Variants in GPNMB observed in about 807,000 individuals in gnomAD.
GPNMB encodes transmembrane glycoprotein NMB.
A neutral mutation model predicts 57.3 loss-of-function variants in GPNMB; 71 were observed. The ratio of observed to expected loss-of-function variants is 1.24; its 90% CI spans 1.02 to 1.51. GPNMB has a LOEUF of 1.51. Among genes scored for constraint, GPNMB ranks in the 40% most tolerant of loss-of-function variants. The pLI is 0.00. For missense variants in GPNMB, 677 were observed against 691.9 expected (o/e 0.98, Z 0.24); for synonymous variants, 253 against 263.2 (o/e 0.96, Z 0.38).
At position 23,266,634 on chromosome 7, in the gene GPNMB, A is replaced by T. The variant is rs759683765; in HGVS notation, c.1117+19A>T. On this transcript the variant is annotated intron_variant, in intron 7 of 10. Coordinates refer to ENST00000258733, the MANE Select transcript of GPNMB (RefSeq NM_002510.3). ...ATTGTAGGTAAGGCTGAAGATGATGACCAGTGAGGAAGGATGCTAGACTCC... is the reference window on the plus strand; with the variant it reads ...ATTGTAGGTAAGGCTGAAGATGATGTCCAGTGAGGAAGGATGCTAGACTCC... The T allele has an allele frequency of 1.9e-6, 3 of 1,611,154 alleles. No individual in the cohort carries two copies. The highest frequency in any genetic ancestry group is 1.7e-6 in the Non-Finnish European group (2 of 1,178,200).
chr7:23,250,625 C>G (rs554491233), intron 1 of GPNMB: 13 of 152,172 alleles, frequency 8.5e-5, no homozygotes, highest in African/African-American at 2.9e-4. Flanking sequence ...ATTCTCTCTT[C>G]TATTCCATTG....
In GPNMB at chr7:23,266,580, G is replaced by T. The variant is rs1221625564; in HGVS notation, c.1082G>T (p.Arg361Ile). The change falls in exon 7 of 11, where the codon AGA becomes ATA. Residue 361 changes from arginine to isoleucine, a missense_variant. Arg to Ile is a moderately conservative substitution (Grantham distance 97). Transcript: ENST00000258733. ...CCTGATGAAAACTGCCAGATTAACA[G>T]ATATGGCCACTTTCAAGCCACCATC... ...RIPDENCQIN[R>I]YGHFQATITI... is the part of the protein sequence containing the mutation. 1.9e-6 allele frequency: 3 copies of T among 1,613,710 alleles called. No individual in the cohort carries two copies. The South Asian group carries it at 3.3e-5, about 18-fold the overall frequency.
chr7:23,274,368 C>T lies in GPNMB; in HGVS notation c.*144C>T. ...GTTGAATTTTTTATAGGTTAAATGT[C>T]ATTTTAGAGATGGGGAGAGGGATTA... On this transcript the variant is annotated 3_prime_UTR_variant, in exon 11 of 11. Transcript: ENST00000258733. The T allele has an allele frequency of 3.2e-6, 2 of 619,998 alleles. No homozygotes were observed. The highest frequency in any genetic ancestry group is 3.7e-5 in the African/African-American group (2 of 53,758). 38.4% of individuals were successfully genotyped at this position (619,998 alleles called of 1,614,324 possible). A position where few individuals can be genotyped will look rare whatever the true frequency, so the allele number is the denominator to read the frequency against.
At position 23,274,188 on chromosome 7, in the gene GPNMB, G is replaced by T; in HGVS notation, c.1647G>T (p.Pro549=). The change falls in exon 11 of 11, where the codon CCG becomes CCT. Residue 549 remains proline (P), a synonymous_variant. Coordinates refer to ENST00000258733, the MANE Select transcript of GPNMB (RefSeq NM_002510.3). ...TCCCGGGAAACCAGGAAAAGGATCC[G>T]CTACTCAAAAACCAAGAATTTAAAG... ...VFFPGNQEKD[P]LLKNQEFKGV... 1.2e-6 allele frequency: 2 copies of T among 1,613,716 alleles called. No homozygotes were observed. Among genetic ancestry groups the T allele is most frequent in the Non-Finnish European group, 1.7e-6 (2 of 1,179,874 alleles).
chr7:23,273,648 T>C lies in GPNMB; in HGVS notation c.1523+34T>C, dbSNP rs1783266657. On this transcript the variant is annotated intron_variant, in intron 10 of 10. Coordinates refer to ENST00000258733, the MANE Select transcript of GPNMB (RefSeq NM_002510.3). Reference sequence around the variant, plus strand: ...TTGGTTCCTACGCTTTATATCACTATAGTGTATTGTCAAAAGTGAATATAT... The same window carrying C: ...TTGGTTCCTACGCTTTATATCACTACAGTGTATTGTCAAAAGTGAATATAT... 2.4e-6 allele frequency: 3 copies of C among 1,243,758 alleles called. No homozygotes were observed. The South Asian group carries it at 3.6e-5, about 15-fold the overall frequency. The allele number at this position is 1,243,758 out of a possible 1,614,324, so 77.0% of individuals were successfully genotyped here. A position where few individuals can be genotyped will look rare whatever the true frequency, so the allele number is the denominator to read the frequency against.
chr7:23,264,780 G>C (rs538865011), intron 6 of GPNMB, among the ~76,000 whole-genome samples: 2 of 152,184 alleles, frequency 1.3e-5, no homozygotes, highest in African/African-American at 2.4e-5. Context: ...TAGCACTAAA[G>C]TATATGCAGA....
At position 23,273,633 on chromosome 7, in the gene GPNMB, C is replaced by A; in HGVS notation, c.1523+19C>A. ...TGTACAAGTAAGTTTTTGGTTCCTA[C>A]GCTTTATATCACTATAGTGTATTGT... On this transcript the variant is annotated intron_variant, in intron 10 of 10. Coordinates refer to ENST00000258733, the MANE Select transcript of GPNMB (RefSeq NM_002510.3). 1 of 1,362,904 alleles carries A rather than the reference C, an allele frequency of 7.3e-7. No individual in the cohort carries two copies. The highest frequency in any genetic ancestry group is 1.1e-6 in the Non-Finnish European group (1 of 950,664). The allele number at this position is 1,362,904 out of a possible 1,614,324, so 84.4% of individuals were successfully genotyped here.
chr7:23,251,383 C>G (rs1189651368), intron 1 of GPNMB, among the ~76,000 whole-genome samples: 1 of 152,128 alleles, frequency 6.6e-6, no homozygotes, highest in Non-Finnish European at 1.5e-5. Context: ...TATAGCCAGG[C>G]CAAGACATAG....
intron 1 of GPNMB, 112 bp from the exon 2 acceptor site, chr7:23,253,195 C>A: frequency 1.2e-6 from 1 of 833,812 alleles, no homozygotes; most frequent in Non-Finnish European, 1.8e-6. Context: ...TTACTTGATG[C>A]ACTGAATATA....
intron 7 of GPNMB, among the ~76,000 whole-genome samples, chr7:23,267,342 C>T (rs771486798): frequency 2.0e-5 from 3 of 152,188 alleles, no homozygotes; most frequent in African/African-American, 4.8e-5. Context: ...GATATGTATC[C>T]TAAGCTATGG....
At chr7:23,262,608 C>CTTTTTTTTTTTTTTTTT (rs58011121) in intron 6 of GPNMB, among the ~76,000 whole-genome samples, 4 of 62,800 alleles carry the variant, frequency 6.4e-5, no homozygotes, top group Non-Finnish European at 8.3e-5. Flanking sequence ...TCACCATTCT[C>CTTTTTTTTTTTTTTTTT]TTTTTTTTTT....
At chr7:23,264,662 C>A (rs935120146) in intron 6 of GPNMB, among the ~76,000 whole-genome samples, 1 of 152,180 alleles carries the variant, frequency 6.6e-6, no homozygotes, top group Non-Finnish European at 1.5e-5. Flanking sequence ...CAGGTGTGAG[C>A]CACCATGCCT....
At chr7:23,261,548 G>A (rs1188865526) in intron 6 of GPNMB, among the ~76,000 whole-genome samples, 3 of 152,070 alleles carry the variant, frequency 2.0e-5, no homozygotes, top group African/African-American at 2.4e-5. Context: ...ACCAAACGCC[G>A]CATGTTCTCA....
Position 23,260,759 on chromosome 7 carries a change from C to G in GPNMB, c.1004C>G (p.Pro335Arg). 5.8e-6 allele frequency: 9 copies of G among 1,544,668 alleles called. No individual in the cohort carries two copies. The highest frequency in any genetic ancestry group is 7.8e-6 in the Non-Finnish European group (9 of 1,146,954). ...PPPPPPRPSKPTPSLGPAGDN... is the reference protein window; with the variant it reads ...PPPPPPRPSKRTPSLGPAGDN... ...CCACCACCACCCAGACCTTCAAAAC[C>G]CACCCCTTCTTTAGGTAAGGTTTCG... The change falls in exon 6 of 11, where the codon CCC becomes CGC. Residue 335 changes from proline to arginine, a missense_variant. Physicochemically the swap from Pro to Arg is moderately radical, Grantham distance 103. Coordinates refer to ENST00000258733, the MANE Select transcript of GPNMB (RefSeq NM_002510.3).
In GPNMB at chr7:23,270,154, C is replaced by T. The variant is rs143937818; in HGVS notation, c.1408C>T (p.Leu470=). ...DDTSLALTST[L]ISVPDRDPAS... ...CACAAGCCTGGCTCTCACGAGCACC[C>T]TGATTTCTGTTCCTGACAGAGGTGA... The change falls in exon 9 of 11, where the codon CTG becomes TTG. Residue 470 remains leucine (L), a synonymous_variant. Transcript: ENST00000258733. 3 of 1,613,990 alleles carry T rather than the reference C, an allele frequency of 1.9e-6. No homozygotes were observed. Among genetic ancestry groups the T allele is most frequent in the Non-Finnish European group, 1.7e-6 (2 of 1,179,852 alleles).
intron 5 of GPNMB, 23 bp from the exon 6 acceptor site, chr7:23,260,433 T>G: frequency 1.3e-6 from 2 of 1,568,644 alleles, no homozygotes; most frequent in Non-Finnish European, 1.7e-6. Flanking sequence ...ATTCTTTATT[T>G]CTTTGGGGGA....
chr7:23,256,862 C>A, intron 3 of GPNMB, 30 bp from the exon 4 acceptor site: 1 of 1,593,562 alleles, frequency 6.3e-7, no homozygotes, highest in Non-Finnish European at 8.6e-7. Context: ...GCCTAGATAA[C>A]ACTCATGGCT....
intron 10 of GPNMB, 114 bp from the exon 11 acceptor site, chr7:23,273,951 C>A: frequency 1.3e-6 from 1 of 784,668 alleles, no homozygotes; most frequent in Non-Finnish European, 2.0e-6. Context: ...TGCAAACTGT[C>A]AATCATGTTA....
At chr7:23,256,692 T>C (rs1315463999) in intron 3 of GPNMB, among the ~76,000 whole-genome samples, 200 bp from the exon 4 acceptor site, 1 of 152,268 alleles carries the variant, frequency 6.6e-6, no homozygotes, top group Non-Finnish European at 1.5e-5. Context: ...AAAACCTTCA[T>C]TGAAATATAA....
Sources: allele counts gnomAD v4.1 joint callset (sites outside exome capture counted in the v4.1 genomes callset), GRCh38; gene constraint gnomAD v4.1.1; transcripts MANE v1.5; gene names NCBI Gene and HGNC (gene_info 2026-07-23, HGNC 2026-07-21).